PCDHA4: variants seen among roughly 807,000 people sequenced by gnomAD.
PCDHA4 encodes protocadherin alpha-4.
A neutral mutation model predicts 61.4 loss-of-function variants in PCDHA4; 49 were observed. That is an observed-to-expected ratio of 0.80 (90% confidence interval 0.63 to 1.01). The LOEUF (loss-of-function observed/expected upper bound fraction) is 1.01, where lower values mean the gene tolerates loss of function less well. PCDHA4 is among the 50% of genes least tolerant of loss of function. The pLI, the probability that PCDHA4 is intolerant of heterozygous loss-of-function variation, is 0.00. For synonymous variants in PCDHA4, 590 were observed against 550.3 expected, an observed-to-expected ratio of 1.07 and a Z score of -1.01; for missense variants, 1,254 against 1,235.8, an observed-to-expected ratio of 1.01 and a Z score of -0.22.
Position 140,834,605 on chromosome 5 carries a change from T to G in PCDHA4, c.2385+25033T>G, listed in dbSNP as rs2150222820. 19 of 1,613,994 alleles carry G rather than the reference T, an allele frequency of 1.2e-5. No homozygotes were observed. The South Asian group carries it at 2.1e-4, about 18-fold the overall frequency. On this transcript the variant is annotated intron_variant, in intron 1 of 3. Coordinates refer to ENST00000530339, the MANE Select transcript of PCDHA4 (RefSeq NM_018907.4). Reference sequence around the variant, plus strand: ...CGGTGTGCAAATTCCGTGGGGATCTTCTGGAGGTAAATCTGCAGAATGGCA... The same window carrying G: ...CGGTGTGCAAATTCCGTGGGGATCTGCTGGAGGTAAATCTGCAGAATGGCA...
intron 1 of PCDHA4, among the ~76,000 whole-genome samples, chr5:140,960,717 TATTTTAGTCCATG>T (rs1244851083): frequency 3.3e-4 from 10 of 30,264 alleles, no homozygotes; most frequent in African/African-American, 2.5e-3. Flanking sequence ...ATACTCATCT[TATTTTAGTCCATG>T]ATTTTAGTCC....
chr5:140,823,521 G>T, intron 1 of PCDHA4: 2 of 1,613,692 alleles, frequency 1.2e-6, no homozygotes, highest in Non-Finnish European at 8.5e-7. Context: ...TGGTGCCGAG[G>T]TCAGTGGGTG....
At chr5:140,997,884 C>G (rs2097789340) in intron 3 of PCDHA4, among the ~76,000 whole-genome samples, 1 of 152,076 alleles carries the variant, frequency 6.6e-6, no homozygotes, top group African/African-American at 2.4e-5. Context: ...AGTATTTATA[C>G]AGGATAAATT....
At chr5:140,928,272 T>TG in intron 1 of PCDHA4, 1 of 1,614,156 alleles carries the variant, frequency 6.2e-7, no homozygotes, top group Admixed American at 1.7e-5. Context: ...ACAATGGCCC[T>TG]GGGGCCTCTC....
intron 1 of PCDHA4, chr5:140,969,475 C>A: frequency 1.4e-6 from 2 of 1,476,386 alleles, no homozygotes; most frequent in South Asian, 1.4e-5. Context: ...ACAATTTGAT[C>A]ATAATCTGCT....
In PCDHA4 at chr5:140,850,851, A is replaced by G. The variant is rs1052562243; in HGVS notation, c.2385+41279A>G. On this transcript the variant is annotated intron_variant, in intron 1 of 3. Transcript: ENST00000530339. ...TCCTTGTGCTGGATCTACAGAGCGA[A>G]CGGGAGAACCCTCTGCTTCCTCAGA... The G allele has an allele frequency of 3.1e-6, 5 of 1,595,924 alleles. No homozygotes were observed. Among genetic ancestry groups the G allele is most frequent in the Non-Finnish European group, 3.4e-6 (4 of 1,165,934 alleles).
intron 1 of PCDHA4, among the ~76,000 whole-genome samples, chr5:140,949,857 G>A (rs1554219193): frequency 6.6e-6 from 1 of 151,520 alleles, no homozygotes; most frequent in East Asian, 1.9e-4. Context: ...CCGCTTATCT[G>A]TTGTCTTTTG....
At chr5:140,951,543 CG>C (rs1201907714) in intron 1 of PCDHA4, among the ~76,000 whole-genome samples, 2 of 151,550 alleles carry the variant, frequency 1.3e-5, no homozygotes, top group Admixed American at 1.3e-4. Flanking sequence ...GAGCAAGGGA[CG>C]GGGGGAAGTG....
chr5:140,927,445 T>C (rs2084204838), intron 1 of PCDHA4: 1 of 1,613,580 alleles, frequency 6.2e-7, no homozygotes, highest in Non-Finnish European at 8.5e-7. Context: ...ATACCCGGAG[T>C]TGGTGTTGGA....
chr5:140,863,136 G>A (rs1554157813), intron 1 of PCDHA4: 5 of 603,754 alleles, frequency 8.3e-6, no homozygotes, highest in South Asian at 5.5e-5. Context: ...ACCGCCTGCT[G>A]GTGCTGGTGA....
intron 1 of PCDHA4, among the ~76,000 whole-genome samples, chr5:140,894,100 G>C (rs1554185932): frequency 2.0e-5 from 3 of 151,990 alleles, no homozygotes; most frequent in African/African-American, 7.3e-5. Context: ...CTAGCTCCTG[G>C]TGTTGCAGAT....
At chr5:140,854,178 A>G (rs2043021755) in intron 1 of PCDHA4, 4 of 531,272 alleles carry the variant, frequency 7.5e-6, no homozygotes, top group African/African-American at 2.1e-5. Flanking sequence ...AAAAAAAAAG[A>G]GTAGTTTAAC....
rs2150292750 is a variant in PCDHA4, at chr5:140,838,829, G to C, written c.2385+29257G>C. ...TTCAGCTACTCAAGAAACTGAGGTG[G>C]GAGGATCACTTAAGCCAGGGAGGTC... On this transcript the variant is annotated intron_variant, in intron 1 of 3. Coordinates refer to ENST00000530339, the MANE Select transcript of PCDHA4 (RefSeq NM_018907.4). Among the ~76,000 whole-genome samples, 185 of 151,952 alleles carry C rather than the reference G, an allele frequency of 1.2e-3. 4 individuals carry two copies. Among genetic ancestry groups the C allele is most frequent in the African/African-American group, 4.4e-3 (182 of 41,404 alleles).
chr5:140,848,919 A>C, intron 1 of PCDHA4: 1 of 1,608,020 alleles, frequency 6.2e-7, no homozygotes, highest in Non-Finnish European at 8.5e-7. Flanking sequence ...GAATCTGTTC[A>C]TCGCGGAATC....
At chr5:140,883,324 C>A (rs782213205) in intron 1 of PCDHA4, 1 of 1,614,166 alleles carries the variant, frequency 6.2e-7, no homozygotes, top group Non-Finnish European at 8.5e-7. Context: ...AGGTTACCAT[C>A]ACTTCTTTGT....
At chr5:140,928,603 C>T in intron 1 of PCDHA4, 2 of 1,614,208 alleles carry the variant, frequency 1.2e-6, no homozygotes, top group Admixed American at 3.3e-5. Context: ...GGAAATTGTG[C>T]CCCGCTCTGC....
At chr5:140,925,124 A>AGGAAGG (rs1554202565) in intron 1 of PCDHA4, among the ~76,000 whole-genome samples, 1 of 151,852 alleles carries the variant, frequency 6.6e-6, no homozygotes, top group South Asian at 2.1e-4. Context: ...GAAGGAAGGA[A>AGGAAGG]AAAAAATTTC....
At chr5:140,822,857 A>T in intron 1 of PCDHA4, 2 of 1,614,192 alleles carry the variant, frequency 1.2e-6, no homozygotes, top group Non-Finnish European at 1.7e-6. Context: ...GTCAAAGAGG[A>T]CGCTCCACTC....
chr5:140,829,782 C>T (rs2150174581), intron 1 of PCDHA4: 1 of 1,613,798 alleles, frequency 6.2e-7, no homozygotes. Flanking sequence ...AACGCGCCGG[C>T]GCTGCTGGCG....
Sources: allele counts gnomAD v4.1 joint callset (sites outside exome capture counted in the v4.1 genomes callset), GRCh38; gene constraint gnomAD v4.1.1; transcripts MANE v1.5; gene names NCBI Gene and HGNC (gene_info 2026-07-23, HGNC 2026-07-21).